KCTD15: variants seen among roughly 807,000 people sequenced by gnomAD.
KCTD15 encodes BTB/POZ domain-containing protein KCTD15.
In KCTD15, 11 loss-of-function variants were observed where a neutral mutation model predicts 27.2. That is an observed-to-expected ratio of 0.41 (90% CI 0.25 to 0.67). KCTD15 has a LOEUF of 0.67. Ranked by LOEUF, KCTD15 falls within the 30% of genes least tolerant of loss-of-function variation. The probability of loss-of-function intolerance (pLI) is 0.35; values close to 1 mark genes in which losing one functional copy is unlikely to be tolerated. For synonymous variants in KCTD15, 163 were observed against 176.0 expected (o/e 0.93, Z 0.58); for missense variants, 350 against 409.3 (o/e 0.86, Z 1.25).
intron 4 of KCTD15, among the ~76,000 whole-genome samples, chr19:33,805,353 C>T (rs963951969): frequency 1.3e-5 from 2 of 152,122 alleles, no homozygotes; most frequent in Admixed American, 6.5e-5. Context: ...ATGGTGTGGA[C>T]GGGAGGCCCT....
Position 33,800,418 on chromosome 19 carries a change from C to G in KCTD15, c.-27-10C>G, listed in dbSNP as rs752024079. ...TAAGCCTTCTCTGGTTTTGTCGATG[C>G]CTCCCGCAGATACTCTGGGCAGGGA... On this transcript the variant is annotated splice_polypyrimidine_tract_variant and intron_variant, in intron 2 of 6. Transcript: ENST00000683859. 2.5e-6 allele frequency: 4 copies of G among 1,581,014 alleles called. No individual in the cohort carries two copies. In the African/African-American group the frequency reaches 5.4e-5, roughly 21 times the overall value.
intron 4 of KCTD15, among the ~76,000 whole-genome samples, chr19:33,806,350 G>T (rs567188550): frequency 1.3e-5 from 2 of 152,334 alleles, no homozygotes; most frequent in South Asian, 4.1e-4. Flanking sequence ...GTGACCCTGT[G>T]CCTGTTGCAC....
At chr19:33,798,991 C>A (rs1301236908) in intron 2 of KCTD15, among the ~76,000 whole-genome samples, 3 of 152,234 alleles carry the variant, frequency 2.0e-5, no homozygotes, top group Non-Finnish European at 4.4e-5. Flanking sequence ...ACTCCTCCCC[C>A]AGCAGAGCCT....
At position 33,806,852 on chromosome 19, in the gene KCTD15, G is replaced by A. The variant is rs746263781; in HGVS notation, c.243-11G>A. On this transcript the variant is annotated splice_polypyrimidine_tract_variant and intron_variant, in intron 4 of 6. Coordinates refer to ENST00000683859, the MANE Select transcript of KCTD15 (RefSeq NM_001129994.2). ...TCCCTTCAGACATCCCACCTCGCCT[G>A]TCTCTCCCAGGATAAGCCGCCTCTT... 3.7e-6 allele frequency: 6 copies of A among 1,612,878 alleles called. No homozygotes were observed. The Admixed American group carries it at 6.7e-5, about 18-fold the overall frequency.
At position 33,811,760 on chromosome 19, in the gene KCTD15, G is replaced by T. The variant is rs759493719; in HGVS notation, c.693+208G>T. The T allele has an allele frequency of 3.2e-6, 5 of 1,574,622 alleles. No individual in the cohort carries two copies. In the African/African-American group the frequency reaches 5.5e-5, roughly 17 times the overall value. Reference sequence around the variant, plus strand: ...CCTGGGGGATGGACTTAAAAAAATCGATCTGTACTTTTTTTTTTTTTTTCC... The same window carrying T: ...CCTGGGGGATGGACTTAAAAAAATCTATCTGTACTTTTTTTTTTTTTTTCC... On this transcript the variant is annotated intron_variant, in intron 6 of 6. Transcript: ENST00000683859.
chr19:33,803,550 C>T (rs1212252987), intron 4 of KCTD15, among the ~76,000 whole-genome samples: 1 of 152,010 alleles, frequency 6.6e-6, no homozygotes, highest in Non-Finnish European at 1.5e-5. Flanking sequence ...TGGGTCTCGG[C>T]GGTTGGGGTG....
At position 33,811,470 on chromosome 19, in the gene KCTD15, C is replaced by T; in HGVS notation, c.611C>T (p.Ser204Phe). The T allele has an allele frequency of 6.2e-7, 1 of 1,612,980 alleles. No homozygotes were observed. Among genetic ancestry groups the T allele is most frequent in the Non-Finnish European group, 8.5e-7 (1 of 1,179,814 alleles). The change falls in exon 6 of 7, where the codon TCC (serine) becomes TTC (phenylalanine). Residue 204 changes from serine (S) to phenylalanine (F), a missense_variant. Physicochemically the swap from Ser to Phe is radical, Grantham distance 155. Around this residue, in one of 3 missense-constraint regions of KCTD15, gnomAD observed 219 missense variants for 234.9 expected, o/e 0.93. Transcript: ENST00000683859. ...GAGACCGGAGACGTCATGTGCAACTCCGTCAACGCCGGCTGGAACCAGGAC... is the reference window on the plus strand; with the variant it reads ...GAGACCGGAGACGTCATGTGCAACTTCGTCAACGCCGGCTGGAACCAGGAC... ...FPETGDVMCN[S>F]VNAGWNQDPT... is the part of the protein sequence containing the mutation.
rs754207690 is a variant in KCTD15, at chr19:33,811,376, G to A, written c.517G>A (p.Val173Ile). Residue 173 changes from valine to isoleucine, a missense_variant, in exon 6 of 7, where the codon GTC becomes ATC. Physicochemically the swap from Val to Ile is conservative, Grantham distance 29. Coordinates refer to ENST00000683859, the MANE Select transcript of KCTD15 (RefSeq NM_001129994.2). ...SRACDCLVVR[V>I]TPDLGERIAL... Reference sequence around the variant, plus strand: ...GGCCTGTGACTGCCTGGTGGTGCGCGTCACGCCCGACTTGGGCGAGCGGAT... The same window carrying A: ...GGCCTGTGACTGCCTGGTGGTGCGCATCACGCCCGACTTGGGCGAGCGGAT... 1.3e-6 allele frequency: 2 copies of A among 1,591,550 alleles called. No individual in the cohort carries two copies. Among genetic ancestry groups the A allele is most frequent in the South Asian group, 1.1e-5 (1 of 88,096 alleles).
chr19:33,799,441 G>C (rs1348520277), intron 2 of KCTD15, among the ~76,000 whole-genome samples: 2 of 152,214 alleles, frequency 1.3e-5, no homozygotes, highest in Non-Finnish European at 2.9e-5. Flanking sequence ...GTGTGAAGGG[G>C]GGTGACTATT....
chr19:33,807,051 G>C, intron 5 of KCTD15, 44 bp downstream of exon 5: 1 of 1,591,216 alleles, frequency 6.3e-7, no homozygotes, highest in Non-Finnish European at 8.6e-7. Flanking sequence ...CTGTGTGATG[G>C]CATTACACAG....
chr19:33,796,734 G>T (rs1599663391), upstream of KCTD15: 1 of 137,736 alleles, frequency 7.3e-6, no homozygotes, highest in South Asian at 2.2e-4. Flanking sequence ...CGGCGGCCGC[G>T]AAGAGGGGAG....
intron 5 of KCTD15, among the ~76,000 whole-genome samples, chr19:33,808,593 T>C (rs1184319192): frequency 6.6e-6 from 1 of 151,686 alleles, no homozygotes; most frequent in Non-Finnish European, 1.5e-5. Flanking sequence ...AGGACCTTGG[T>C]GGGTGGCCCA....
intron 6 of KCTD15, chr19:33,811,867 C>T: frequency 2.5e-6 from 4 of 1,598,356 alleles, no homozygotes; most frequent in Admixed American, 1.8e-5. Context: ...ACTTTGGATT[C>T]GAACTAAACC....
At chr19:33,797,499 C>A in intron 1 of KCTD15, 1 of 401,260 alleles carries the variant, frequency 2.5e-6, no homozygotes, top group East Asian at 8.4e-5. Flanking sequence ...AGTCCGAAAC[C>A]TGGCAGGAGG....
At chr19:33,806,451 G>T (rs1416318558) in intron 4 of KCTD15, among the ~76,000 whole-genome samples, 2 of 152,200 alleles carry the variant, frequency 1.3e-5, no homozygotes, top group Non-Finnish European at 2.9e-5. Flanking sequence ...GTTGGCCGGG[G>T]TGTTGGATGG....
Position 33,815,145 on chromosome 19 carries a change from A to C in KCTD15, c.*2197A>C, listed in dbSNP as rs1315673042. On this transcript the variant is annotated 3_prime_UTR_variant, in exon 7 of 7. Transcript: ENST00000683859. ...TACCGAGTGGTAGAGATTCTCGAAC[A>C]TTCTCAAACTCTCTTTTTGGGTAAA... The C allele has an allele frequency of 6.6e-6, 1 of 152,228 alleles. No homozygotes were observed. Among genetic ancestry groups the C allele is most frequent in the Non-Finnish European group, 1.5e-5 (1 of 68,046 alleles). 9.4% of individuals were successfully genotyped at this position (152,228 alleles called of 1,614,324 possible). A position where few individuals can be genotyped will look rare whatever the true frequency, so the allele number is the denominator to read the frequency against.
At chr19:33,797,302 GCT>G (rs1975366418) in intron 1 of KCTD15, 2 of 373,046 alleles carry the variant, frequency 5.4e-6, no homozygotes, top group Non-Finnish European at 5.3e-6. Context: ...GCGCGCGCGC[GCT>G]TGTGGAGGTC....
rs1030592307 is a variant in KCTD15 at position 33,812,909 on chromosome 19, C to G, written c.813C>G (p.Thr271=). The G allele has an allele frequency of 6.5e-7, 1 of 1,549,862 alleles. No homozygotes were observed. The highest frequency in any genetic ancestry group is 1.2e-5 in the South Asian group (1 of 83,940). The change falls in exon 7 of 7, where the codon ACC becomes ACG. Residue 271 remains threonine, a synonymous_variant. Transcript: ENST00000683859. ...GGGAGGAGCGGCGGCCGCAGCCCAC[C>G]CCCACTGCTGTTCGAATCAAGCAGG... The part of the protein sequence containing the change: ...LCREERRPQP[T]PTAVRIKQEP...
upstream of KCTD15, among the ~76,000 whole-genome samples, chr19:33,794,649 T>G (rs1353600315): frequency 1.3e-5 from 2 of 152,176 alleles, no homozygotes; most frequent in Non-Finnish European, 2.9e-5. Context: ...GGGGAGGACG[T>G]TTCTGTCCAT....
Sources: gnomAD v4.1 joint callset for allele counts (sites outside exome capture counted in the v4.1 genomes callset) on GRCh38, gnomAD v4.1.1 for gene constraint, gnomAD v4.1.1 regional missense constraint, MANE v1.5 for transcripts, NCBI Gene and HGNC (gene_info 2026-07-23, HGNC 2026-07-21) for gene names.